Variants in PTBP3 observed in about 807,000 individuals in gnomAD.
PTBP3 encodes polypyrimidine tract binding protein 3.
A neutral mutation model predicts 58.7 loss-of-function variants in PTBP3; 20 were observed. The ratio of observed to expected loss-of-function variants is 0.34; its 90% CI spans 0.24 to 0.50. The LOEUF (loss-of-function observed/expected upper bound fraction) is 0.50, where lower values mean the gene tolerates loss of function less well. Ranked by LOEUF, PTBP3 falls within the 20% of genes least tolerant of loss-of-function variation. The pLI, the probability that PTBP3 is intolerant of heterozygous loss-of-function variation, is 0.98. For missense variants in PTBP3, 509 were observed against 637.2 expected, an observed-to-expected ratio of 0.80 and a Z score of 2.17; for synonymous variants, 185 against 219.8, an observed-to-expected ratio of 0.84 and a Z score of 1.40.
At chr9:112,278,388 G>A (rs775093540) in intron 2 of PTBP3, among the ~76,000 whole-genome samples, 16 of 152,126 alleles carry the variant, frequency 1.1e-4, no homozygotes, top group Non-Finnish European at 1.6e-4. Context: ...CACCACCAAC[G>A]TGGCCTTGCT....
chr9:112,348,682 C>T, the PTBP3 span, among the ~76,000 whole-genome samples: 14 of 152,350 alleles, frequency 9.2e-5, no homozygotes, highest in Admixed American at 3.9e-4. Context: ...CGGCTTGGCC[C>T]TCTTCCAAGT....
intron 1 of PTBP3, among the ~76,000 whole-genome samples, chr9:112,319,814 T>C (rs1393638284): frequency 6.6e-6 from 1 of 152,170 alleles, no homozygotes; most frequent in African/African-American, 2.4e-5. Context: ...CAAAATGTGG[T>C]ATACATGTAC....
chr9:112,369,641 T>C, the PTBP3 span, among the ~76,000 whole-genome samples: 10 of 152,338 alleles, frequency 6.6e-5, no homozygotes, highest in Non-Finnish European at 8.8e-5. Context: ...GCTTGCCTTG[T>C]CTCAGATGAG....
At chr9:112,302,675 G>A (rs1587860565) in intron 1 of PTBP3, among the ~76,000 whole-genome samples, 1 of 136,662 alleles carries the variant, frequency 7.3e-6, no homozygotes, top group Non-Finnish European at 1.5e-5. Context: ...TGCAACCTCC[G>A]CCTCCCAGGT....
intron 1 of PTBP3, among the ~76,000 whole-genome samples, chr9:112,329,908 A>C (rs764659134): frequency 2.0e-5 from 3 of 149,394 alleles, no homozygotes; most frequent in Non-Finnish European, 1.5e-5. Context: ...GTGCAGTGAC[A>C]CGGTCACACT....
chr9:112,236,477 G>T (rs1197640876), intron 7 of PTBP3, among the ~76,000 whole-genome samples: 1 of 152,022 alleles, frequency 6.6e-6, no homozygotes, highest in African/African-American at 2.4e-5. Context: ...TGTATTAAAG[G>T]CACAAAGGAA....
At chr9:112,230,100 C>G (rs1329400405) in intron 10 of PTBP3, among the ~76,000 whole-genome samples, 4 of 152,038 alleles carry the variant, frequency 2.6e-5, no homozygotes, top group Admixed American at 2.0e-4. Flanking sequence ...TTACAAAAAT[C>G]TTGAGTTGTA....
chr9:112,232,041 A>C (rs578259740), intron 9 of PTBP3, 58 bp downstream of exon 9: 5 of 746,966 alleles, frequency 6.7e-6, no homozygotes, highest in Non-Finnish European at 5.9e-6. Flanking sequence ...AAGAAAGAAA[A>C]AAGTGCTACT....
In PTBP3 at chr9:112,223,347, A is replaced by C; in HGVS notation, c.*504T>G. ...TAATAACCATCAATATATGGCAAAG[A>C]TCTGATGTACTTTATATGTGAATAT... On this transcript the variant is annotated 3_prime_UTR_variant, in exon 14 of 14. Transcript: ENST00000374257. 1.0e-6 allele frequency: 1 copy of C among 974,476 alleles called. No individual in the cohort carries two copies. Among genetic ancestry groups the C allele is most frequent in the Non-Finnish European group, 1.2e-6 (1 of 819,334 alleles). 60.4% of individuals were successfully genotyped at this position (974,476 alleles called of 1,614,324 possible). A position where few individuals can be genotyped will look rare whatever the true frequency, so the allele number is the denominator to read the frequency against.
the PTBP3 span, among the ~76,000 whole-genome samples, chr9:112,372,258 T>G: frequency 6.6e-6 from 1 of 152,112 alleles, no homozygotes. Flanking sequence ...AAGAATTTTT[T>G]TTGTAGAGAC....
At chr9:112,302,376 T>A (rs1039399127) in intron 1 of PTBP3, among the ~76,000 whole-genome samples, 1 of 152,024 alleles carries the variant, frequency 6.6e-6, no homozygotes, top group Non-Finnish European at 1.5e-5. Flanking sequence ...AACACCTTTC[T>A]ACCATCCAAA....
intron 1 of PTBP3, among the ~76,000 whole-genome samples, chr9:112,316,181 T>C (rs1829696089): frequency 6.6e-6 from 1 of 152,168 alleles, no homozygotes; most frequent in Admixed American, 6.6e-5. Context: ...TGGTGCCAAA[T>C]GATCCCCATC....
At chr9:112,318,759 A>C (rs1265606508) in intron 1 of PTBP3, among the ~76,000 whole-genome samples, 1 of 137,892 alleles carries the variant, frequency 7.3e-6, no homozygotes, top group Non-Finnish European at 1.6e-5. Flanking sequence ...GACTGTCTCC[A>C]AAAAAAAAAA....
chr9:112,227,327 A>C (rs2131955221), intron 12 of PTBP3, 84 bp downstream of exon 12: 1 of 1,435,062 alleles, frequency 7.0e-7, no homozygotes, highest in Non-Finnish European at 9.8e-7. Context: ...AGGTTAGAAC[A>C]ATTTCAGAAG....
rs1361246010 is a variant in PTBP3, at chr9:112,222,833, CTGAG to C, written c.*1014_*1017del. On this transcript the variant is annotated 3_prime_UTR_variant, in exon 14 of 14. Coordinates refer to ENST00000374257, the MANE Select transcript of PTBP3 (RefSeq NM_001163788.4). ...GAAATTAAGTAAATACACAGTAATT[CTGAG>C]TAAGTATTAGAGATTATAGTGGTAC... is the stretch of plus-strand genomic sequence containing the variant. 8.9e-6 allele frequency: 8 copies of C among 894,992 alleles called. No individual in the cohort carries two copies. Among genetic ancestry groups the C allele is most frequent in the Non-Finnish European group, 1.1e-5 (8 of 747,720 alleles). 55.4% of individuals were successfully genotyped at this position (894,992 alleles called of 1,614,324 possible). A position where few individuals can be genotyped will look rare whatever the true frequency, so the allele number is the denominator to read the frequency against.
At chr9:112,236,581 G>A (rs932004126) in intron 7 of PTBP3, among the ~76,000 whole-genome samples, 15 of 152,112 alleles carry the variant, frequency 9.9e-5, no homozygotes, top group African/African-American at 2.9e-4. Context: ...GGAGAGATAC[G>A]GTGGATATTG....
chr9:112,348,754 C>T, the PTBP3 span, among the ~76,000 whole-genome samples: 1 of 152,168 alleles, frequency 6.6e-6, no homozygotes, highest in Non-Finnish European at 1.5e-5. Flanking sequence ...ATGCCTTATG[C>T]CCTTCTTTCA....
intron 7 of PTBP3, among the ~76,000 whole-genome samples, chr9:112,240,309 T>G (rs921621947): frequency 2.6e-5 from 4 of 152,200 alleles, no homozygotes; most frequent in African/African-American, 9.7e-5. Flanking sequence ...TATCTATCTA[T>G]GTACAATGTG....
chr9:112,226,125 C>T (rs979273081), intron 12 of PTBP3, among the ~76,000 whole-genome samples: 2 of 151,886 alleles, frequency 1.3e-5, no homozygotes, highest in African/African-American at 4.8e-5. Context: ...TGTCCATTTA[C>T]CCTACACTCC....
Sources: allele counts gnomAD v4.1 joint callset (sites outside exome capture counted in the v4.1 genomes callset), GRCh38; gene constraint gnomAD v4.1.1; transcripts MANE v1.5; gene names NCBI Gene and HGNC (gene_info 2026-07-23, HGNC 2026-07-21).